GPM6A: variants seen among roughly 807,000 people sequenced by gnomAD.
GPM6A encodes the protein neuronal membrane glycoprotein M6-a.
Under a neutral mutation model 32.1 loss-of-function variants are expected in GPM6A, and 7 were observed. That is an observed-to-expected ratio of 0.22 (90% CI 0.12 to 0.41). GPM6A has a LOEUF of 0.41. Among genes scored for constraint, GPM6A ranks in the 10% least tolerant of loss-of-function variants. GPM6A has a pLI of 1.00. For synonymous variants in GPM6A, 130 were observed against 123.4 expected (o/e 1.05, Z -0.35); for missense variants, 235 against 347.2 (o/e 0.68, Z 2.57).
chr4:175,931,464 G>T (rs927722962), intron 1 of GPM6A, among the ~76,000 whole-genome samples: 95 of 151,922 alleles, frequency 6.3e-4, no homozygotes, highest in African/African-American at 2.1e-3. Flanking sequence ...CAGATGACTT[G>T]TACTTTTCTC....
intron 1 of GPM6A, among the ~76,000 whole-genome samples, chr4:175,830,705 G>A (rs1398092457): frequency 6.6e-6 from 1 of 152,092 alleles, no homozygotes; most frequent in East Asian, 1.9e-4. Context: ...AAATAAAATA[G>A]AAGGTTCTTA....
chr4:175,926,909 T>C lies in GPM6A; in HGVS notation c.-23+75400A>G, dbSNP rs562392067. On this transcript the variant is annotated intron_variant, in intron 1 of 7. Transcript: ENST00000280187. ...AACCATTCCTATATGCAGAAGCTTA[T>C]TTAGTCACTTCGCTTTCAATTAAAA... Among the ~76,000 whole-genome samples, 4 of 152,330 alleles carry C rather than the reference T, an allele frequency of 2.6e-5. No homozygotes were observed. The South Asian group carries it at 6.2e-4, about 24-fold the overall frequency.
intron 1 of GPM6A, among the ~76,000 whole-genome samples, chr4:175,920,968 T>C (rs1738645871): frequency 6.6e-6 from 1 of 152,198 alleles, no homozygotes; most frequent in African/African-American, 2.4e-5. Context: ...TCAAAGCATA[T>C]GCTTCTACAA....
In GPM6A at chr4:175,853,389, T is replaced by G. The variant is rs184753990; in HGVS notation, c.-22-41140A>C. Among the ~76,000 whole-genome samples the G allele has an allele frequency of 6.7e-3, 1,012 of 152,144 alleles. 8 individuals are homozygous for G. The highest frequency in any genetic ancestry group is 7.0e-3 in the Non-Finnish European group (477 of 67,930). On this transcript the variant is annotated intron_variant, in intron 1 of 7. Coordinates refer to the GPM6A transcript ENST00000280187. Reference sequence around the variant, plus strand: ...GCTTTAGGTTTTCTTTTATTCCTTTTTACCTTAACTAAAATCTTGGCTAAA... The same window carrying G: ...GCTTTAGGTTTTCTTTTATTCCTTTGTACCTTAACTAAAATCTTGGCTAAA...
At chr4:175,836,760 G>A (rs1039596644) in intron 1 of GPM6A, among the ~76,000 whole-genome samples, 1 of 152,046 alleles carries the variant, frequency 6.6e-6, no homozygotes, top group Admixed American at 6.6e-5. Flanking sequence ...ATGACAATGG[G>A]GTATATTATG....
chr4:175,642,935 C>T (rs554662280), intron 4 of GPM6A, among the ~76,000 whole-genome samples: 9 of 152,306 alleles, frequency 5.9e-5, no homozygotes, highest in African/African-American at 2.2e-4. Context: ...CACTCCCAAG[C>T]AAACACTTCT....
chr4:175,950,809 T>C (rs940638617), intron 1 of GPM6A, among the ~76,000 whole-genome samples: 3 of 152,172 alleles, frequency 2.0e-5, no homozygotes, highest in Non-Finnish European at 2.9e-5. Flanking sequence ...AAATGATTAA[T>C]AGCAAGAATT....
At chr4:175,960,000 T>G (rs1280464819) in intron 1 of GPM6A, among the ~76,000 whole-genome samples, 2 of 152,182 alleles carry the variant, frequency 1.3e-5, no homozygotes, top group Non-Finnish European at 2.9e-5. Context: ...CATCCCACTT[T>G]ACAAGCAAGA....
chr4:175,967,342 A>G (rs1278452934), intron 1 of GPM6A, among the ~76,000 whole-genome samples: 1 of 152,186 alleles, frequency 6.6e-6, no homozygotes, highest in African/African-American at 2.4e-5. Context: ...ACACTTAATG[A>G]CAATTAACTA....
chr4:175,945,507 G>A (rs115288817), intron 1 of GPM6A, among the ~76,000 whole-genome samples: 307 of 151,926 alleles, frequency 2.0e-3, no homozygotes, highest in African/African-American at 6.7e-3. Flanking sequence ...TTACTTAGTT[G>A]TAAGTAATAC....
intron 1 of GPM6A, among the ~76,000 whole-genome samples, chr4:175,715,496 G>C (rs1479893696): frequency 6.6e-6 from 1 of 152,060 alleles, no homozygotes; most frequent in Admixed American, 6.5e-5. Context: ...GCATAATTTT[G>C]CCACATTTTA....
chr4:175,979,724 A>T (rs1301872674), intron 1 of GPM6A, among the ~76,000 whole-genome samples: 2 of 152,226 alleles, frequency 1.3e-5, no homozygotes. Flanking sequence ...ATGAATTTTC[A>T]CTTAGGCTAT....
chr4:175,961,815 G>A (rs535238460), intron 1 of GPM6A, among the ~76,000 whole-genome samples: 197 of 152,276 alleles, frequency 1.3e-3, no homozygotes, highest in Non-Finnish European at 2.2e-3. Flanking sequence ...TCGAAGAAGG[G>A]AAAGGCTCAA....
intron 1 of GPM6A, among the ~76,000 whole-genome samples, chr4:175,765,001 A>T (rs1289647770): frequency 6.6e-6 from 1 of 151,636 alleles, no homozygotes. Context: ...AGCCTCCCGA[A>T]TAGCTGGGAT....
chr4:175,955,554 G>A (rs984698731), intron 1 of GPM6A, among the ~76,000 whole-genome samples: 3 of 152,168 alleles, frequency 2.0e-5, no homozygotes, highest in Non-Finnish European at 2.9e-5. Context: ...CATCAGTACA[G>A]AGGTAAGACA....
intron 1 of GPM6A, among the ~76,000 whole-genome samples, chr4:175,899,611 T>C (rs1013606492): frequency 6.6e-6 from 1 of 152,040 alleles, no homozygotes; most frequent in African/African-American, 2.4e-5. Flanking sequence ...GCCAAGAACA[T>C]ACACTTGGGG....
intron 1 of GPM6A, among the ~76,000 whole-genome samples, chr4:175,845,445 G>C (rs919785505): frequency 3.3e-5 from 5 of 152,006 alleles, no homozygotes; most frequent in African/African-American, 1.2e-4. Context: ...TTGAGTAAAG[G>C]ATACATTGGA....
chr4:175,714,512 G>A (rs1191858296), intron 1 of GPM6A, among the ~76,000 whole-genome samples: 1 of 152,148 alleles, frequency 6.6e-6, no homozygotes, highest in South Asian at 2.1e-4. Flanking sequence ...GCCTCCCAAA[G>A]TGTTGGGATT....
chr4:175,792,068 G>T (rs1235899704), intron 1 of GPM6A, among the ~76,000 whole-genome samples: 3 of 152,072 alleles, frequency 2.0e-5, no homozygotes. Context: ...ATAAATGATT[G>T]TATTTGTTTA....
Sources: gnomAD v4.1 joint callset for allele counts (sites outside exome capture counted in the v4.1 genomes callset) on GRCh38, gnomAD v4.1.1 for gene constraint, MANE v1.5 for transcripts, NCBI Gene and HGNC (gene_info 2026-07-23, HGNC 2026-07-21) for gene names.